Variants in TRMT11 observed in about 807,000 individuals in gnomAD.
TRMT11 encodes the protein tRNA methyltransferase 11, also known as tRNA (guanine(10)-N(2))-methyltransferase TRMT11.
In TRMT11, 53 loss-of-function variants were observed where a neutral mutation model predicts 62.8. The observed-to-expected ratio is 0.84, with a 90% CI of 0.68 to 1.06. The LOEUF (loss-of-function observed/expected upper bound fraction) is 1.06, where lower values mean the gene tolerates loss of function less well. Ranked by LOEUF, TRMT11 falls within the 50% of genes least tolerant of loss-of-function variation. TRMT11 has a pLI of 0.00. For synonymous variants in TRMT11, 188 were observed against 190.3 expected, an observed-to-expected ratio of 0.99 and a Z score of 0.10; for missense variants, 556 against 553.4, an observed-to-expected ratio of 1.00 and a Z score of -0.05.
At chr6:126,271,477 C>T in the TRMT11 span, among the ~76,000 whole-genome samples, 1 of 149,622 alleles carries the variant, frequency 6.7e-6, no homozygotes. Context: ...TCTTATTTCC[C>T]AAATGGTTTA....
intron 8 of TRMT11, among the ~76,000 whole-genome samples, chr6:126,010,841 C>G (rs999677196): frequency 6.6e-5 from 10 of 152,084 alleles, no homozygotes; most frequent in African/African-American, 2.4e-4. Context: ...TGCCTCCCTT[C>G]CTCATGGTCA....
the TRMT11 span, among the ~76,000 whole-genome samples, chr6:126,248,415 C>G: frequency 2.6e-5 from 4 of 151,972 alleles, no homozygotes; most frequent in African/African-American, 9.7e-5. Context: ...TGTATTGTAT[C>G]TTCACCTTTT....
At chr6:126,109,809 A>G (rs74886469) in intron 17 of TRMT11, among the ~76,000 whole-genome samples, 2,035 of 152,272 alleles carry the variant, frequency 0.013, 41 homozygotes, top group African/African-American at 0.047. Flanking sequence ...AAATATGTTG[A>G]GAACCTCATG....
At chr6:126,114,591 T>C (rs1487649866) in intron 18 of TRMT11, among the ~76,000 whole-genome samples, 12 of 152,108 alleles carry the variant, frequency 7.9e-5, no homozygotes, top group Non-Finnish European at 1.8e-4. Flanking sequence ...GTTTCCGCAG[T>C]GTACTGTGAC....
chr6:126,031,019 G>C (rs1226754646), intron 12 of TRMT11, among the ~76,000 whole-genome samples: 1 of 152,164 alleles, frequency 6.6e-6, no homozygotes, highest in Non-Finnish European at 1.5e-5. Context: ...ACTTTACAGT[G>C]AAGCGAGTAG....
At chr6:126,185,505 T>C (rs568640467) in intron 1 of TRMT11, among the ~76,000 whole-genome samples, 1 of 152,340 alleles carries the variant, frequency 6.6e-6, no homozygotes, top group Admixed American at 6.5e-5. Flanking sequence ...ACTTGTTTTA[T>C]CTTACTGATA....
At chr6:125,989,642 A>G (rs1403771821) in intron 1 of TRMT11, among the ~76,000 whole-genome samples, 1 of 152,160 alleles carries the variant, frequency 6.6e-6, no homozygotes, top group Non-Finnish European at 1.5e-5. Flanking sequence ...CAGAATAACA[A>G]CCTTAGTACT....
intron 17 of TRMT11, among the ~76,000 whole-genome samples, chr6:126,057,068 T>C (rs1776394718): frequency 6.6e-6 from 1 of 152,232 alleles, no homozygotes; most frequent in South Asian, 2.1e-4. Flanking sequence ...TCTTCCTTTT[T>C]TAAGTGACAA....
chr6:126,030,993 C>T (rs558812514), intron 12 of TRMT11, among the ~76,000 whole-genome samples: 10 of 152,062 alleles, frequency 6.6e-5, no homozygotes, highest in South Asian at 2.1e-4. Flanking sequence ...TGATAGGGAG[C>T]GGTGCAGGAG....
At chr6:126,100,756 C>T (rs890901242) in intron 17 of TRMT11, among the ~76,000 whole-genome samples, 2 of 152,104 alleles carry the variant, frequency 1.3e-5, no homozygotes, top group African/African-American at 4.8e-5. Flanking sequence ...AAGTGCTTTA[C>T]ATTTATTGCA....
chr6:126,043,160 A>G (rs1775930409), downstream of TRMT11, among the ~76,000 whole-genome samples: 2 of 145,956 alleles, frequency 1.4e-5, no homozygotes, highest in Admixed American at 6.8e-5. Flanking sequence ...CCATTAACTC[A>G]TCATTTAGCA....
chr6:126,033,659 A>G (rs1269114066), intron 12 of TRMT11, among the ~76,000 whole-genome samples: 1 of 152,144 alleles, frequency 6.6e-6, no homozygotes, highest in Non-Finnish European at 1.5e-5. Flanking sequence ...CAGCCTGGTC[A>G]TGTTGGGACT....
chr6:126,201,618 C>T (rs1778735266), intron 3 of TRMT11, among the ~76,000 whole-genome samples: 1 of 152,196 alleles, frequency 6.6e-6, no homozygotes, highest in Non-Finnish European at 1.5e-5. Flanking sequence ...CTCCACTCAT[C>T]CACTTCTTCA....
chr6:126,006,288 T>C (rs1485070300), intron 7 of TRMT11, among the ~76,000 whole-genome samples: 1 of 152,012 alleles, frequency 6.6e-6, no homozygotes, highest in African/African-American at 2.4e-5. Context: ...ATTGCCATTT[T>C]TCTTTCTTTT....
At chr6:126,114,910 A>G (rs1475303661) in intron 19 of TRMT11, among the ~76,000 whole-genome samples, 2 of 152,072 alleles carry the variant, frequency 1.3e-5, no homozygotes, top group Non-Finnish European at 2.9e-5. Flanking sequence ...ACAGAGCTGT[A>G]AGAGAGGTAT....
chr6:126,126,195 G>T (rs925478789), intron 21 of TRMT11, among the ~76,000 whole-genome samples: 1 of 151,986 alleles, frequency 6.6e-6, no homozygotes, highest in Non-Finnish European at 1.5e-5. Context: ...ATTCCTAAAG[G>T]AATACTAATC....
intron 17 of TRMT11, among the ~76,000 whole-genome samples, chr6:126,093,709 C>G (rs1292856036): frequency 1.4e-5 from 2 of 144,790 alleles, no homozygotes; most frequent in African/African-American, 5.1e-5. Context: ...AGATTAACTC[C>G]TTAGAGTGTT....
chr6:126,243,765 C>T, the TRMT11 span, among the ~76,000 whole-genome samples: 6 of 152,108 alleles, frequency 3.9e-5, no homozygotes, highest in Non-Finnish European at 7.4e-5. Flanking sequence ...GGGAACATCA[C>T]TCCCCGGGGC....
chr6:126,251,359 A>T, the TRMT11 span, among the ~76,000 whole-genome samples: 6 of 152,100 alleles, frequency 3.9e-5, no homozygotes, highest in Non-Finnish European at 8.8e-5. Flanking sequence ...AATTGACATA[A>T]AATTATATGT....
Sources: allele counts gnomAD v4.1 joint callset (sites outside exome capture counted in the v4.1 genomes callset), GRCh38; gene constraint gnomAD v4.1.1; transcripts MANE v1.5; gene names NCBI Gene and HGNC (gene_info 2026-07-23, HGNC 2026-07-21).